The following PRIMA1 variants were observed in gnomAD, a reference collection of about 807,000 sequenced individuals.
The protein encoded by PRIMA1 is proline-rich membrane anchor 1.
In PRIMA1, 7 loss-of-function variants were observed where a neutral mutation model predicts 17.5. The observed-to-expected ratio is 0.40, with a 90% CI of 0.23 to 0.75. PRIMA1 has a LOEUF of 0.75. Ranked by LOEUF, PRIMA1 falls within the 30% of genes least tolerant of loss-of-function variation. PRIMA1 has a pLI of 0.37. For synonymous variants in PRIMA1, 97 were observed against 77.9 expected (o/e 1.25, Z -1.29); for missense variants, 200 against 201.8 (o/e 0.99, Z 0.05).
At chr14:93,782,448 A>G (rs12147937) in intron 2 of PRIMA1, among the ~76,000 whole-genome samples, 16,402 of 151,486 alleles carry the variant, frequency 0.11, 1,095 homozygotes, top group Admixed American at 0.21. Context: ...GTGAGACCTC[A>G]TCTCTACAAA....
intron 4 of PRIMA1, among the ~76,000 whole-genome samples, chr14:93,727,452 G>A (rs1475844085): frequency 1.3e-5 from 2 of 152,196 alleles, no homozygotes; most frequent in South Asian, 2.1e-4. Flanking sequence ...CTCAGGCCTC[G>A]GTGACTGTCC....
chr14:93,753,827 G>A (rs1417441065), intron 3 of PRIMA1, among the ~76,000 whole-genome samples: 1 of 152,168 alleles, frequency 6.6e-6, no homozygotes, highest in Non-Finnish European at 1.5e-5. Context: ...CCCAGTTAAA[G>A]TGCACGCTGC....
intron 4 of PRIMA1, among the ~76,000 whole-genome samples, chr14:93,730,905 G>C (rs1566963966): frequency 6.6e-6 from 1 of 152,196 alleles, no homozygotes; most frequent in Non-Finnish European, 1.5e-5. Context: ...AGGTTCCCAG[G>C]GAGGAGCCAT....
At chr14:93,786,570 C>G (rs1231647072) in intron 2 of PRIMA1, among the ~76,000 whole-genome samples, 1 of 152,114 alleles carries the variant, frequency 6.6e-6, no homozygotes, top group African/African-American at 2.4e-5. Flanking sequence ...TAGTACAGAG[C>G]AACCATGTGA....
intron 4 of PRIMA1, among the ~76,000 whole-genome samples, chr14:93,735,692 CT>C (rs11288194): frequency 0.69 from 86,430 of 124,452 alleles, 31,010 homozygotes; most frequent in Middle Eastern, 0.83. Flanking sequence ...TTCTTTCTTC[CT>C]TTTTTTTTTT....
At chr14:93,779,774 C>T (rs1021051677) in intron 2 of PRIMA1, among the ~76,000 whole-genome samples, 2 of 152,228 alleles carry the variant, frequency 1.3e-5, no homozygotes, top group African/African-American at 2.4e-5. Context: ...CTCCAGCCCT[C>T]GCTCCTGATG....
intron 4 of PRIMA1, among the ~76,000 whole-genome samples, chr14:93,728,180 C>CTCA (rs1358831090): frequency 6.6e-6 from 1 of 152,216 alleles, no homozygotes; most frequent in Non-Finnish European, 1.5e-5. Flanking sequence ...GTGGGTTCGG[C>CTCA]TCATTTGAGT....
At position 93,718,957 on chromosome 14, in the gene PRIMA1, G is replaced by C. The variant is rs1327430421; in HGVS notation, c.*2487C>G. ...TAAAAGTTCTAAGCTCAAATACTAG[G>C]CCGGCAGGGTTTTAAGTACCCTTAT... On this transcript the variant is annotated 3_prime_UTR_variant, in exon 5 of 5. Transcript: ENST00000393140. 2.0e-5 allele frequency: 3 copies of C among 152,148 alleles called. No homozygotes were observed. Among genetic ancestry groups the C allele is most frequent in the Non-Finnish European group, 4.4e-5 (3 of 68,012 alleles). 9.4% of individuals were successfully genotyped at this position (152,148 alleles called of 1,614,324 possible).
intron 4 of PRIMA1, chr14:93,725,706 G>A (rs1019935365): frequency 1.8e-5 from 6 of 330,612 alleles, no homozygotes; most frequent in East Asian, 7.6e-5. Flanking sequence ...TTAGACAAGC[G>A]TCTGGCATAC....
intron 3 of PRIMA1, among the ~76,000 whole-genome samples, chr14:93,776,230 C>T (rs939630130): frequency 6.6e-6 from 1 of 152,186 alleles, no homozygotes; most frequent in African/African-American, 2.4e-5. Context: ...TATCCTGATA[C>T]GTGAGCCCAC....
At chr14:93,780,652 AATT>A (rs1041530485) in intron 2 of PRIMA1, among the ~76,000 whole-genome samples, 1 of 152,090 alleles carries the variant, frequency 6.6e-6, no homozygotes, top group Non-Finnish European at 1.5e-5. Context: ...ATTAAATCAA[AATT>A]TTGCAGGTGG....
At chr14:93,779,148 C>T (rs909565723) in intron 3 of PRIMA1, 28 bp downstream of exon 3, 174 of 1,427,670 alleles carry the variant, frequency 1.2e-4, no homozygotes, top group Non-Finnish European at 1.6e-4. Flanking sequence ...CAAAGAGAAA[C>T]CCGAAAATGG....
intron 3 of PRIMA1, among the ~76,000 whole-genome samples, chr14:93,776,589 C>A (rs911572460): frequency 4.6e-5 from 7 of 152,194 alleles, no homozygotes; most frequent in African/African-American, 1.7e-4. Context: ...CTTTCTGAAA[C>A]AGACAATATA....
chr14:93,721,586 G>A (rs754336311), intron 4 of PRIMA1, 40 bp from the exon 5 acceptor site: 9 of 1,244,044 alleles, frequency 7.2e-6, no homozygotes, highest in Admixed American at 1.7e-5. Flanking sequence ...CAAAGGAGGG[G>A]GAGGCAGGGA....
chr14:93,722,768 C>CTGTGATGAT (rs1566961549), intron 4 of PRIMA1, among the ~76,000 whole-genome samples: 21 of 146,198 alleles, frequency 1.4e-4, no homozygotes, highest in Non-Finnish European at 4.7e-5. Context: ...GTGATGATGG[C>CTGTGATGAT]GGTGATGATG....
intron 2 of PRIMA1, among the ~76,000 whole-genome samples, chr14:93,780,005 T>C (rs538341481): frequency 2.7e-4 from 41 of 152,362 alleles, no homozygotes; most frequent in African/African-American, 9.6e-4. Context: ...CGTGGGATCA[T>C]GTGGCCTACA....
intron 3 of PRIMA1, among the ~76,000 whole-genome samples, chr14:93,777,802 G>C (rs1885264215): frequency 6.6e-6 from 1 of 152,252 alleles, no homozygotes; most frequent in Non-Finnish European, 1.5e-5. Flanking sequence ...TGAGATTCCA[G>C]AGGGCCAGGA....
At chr14:93,771,851 G>C (rs1885078555) in intron 3 of PRIMA1, among the ~76,000 whole-genome samples, 1 of 152,144 alleles carries the variant, frequency 6.6e-6, no homozygotes, top group Non-Finnish European at 1.5e-5. Context: ...GGAAGGAAAG[G>C]AAAGGGGGGT....
At chr14:93,776,779 AC>A (rs1239383699) in intron 3 of PRIMA1, among the ~76,000 whole-genome samples, 1 of 152,234 alleles carries the variant, frequency 6.6e-6, no homozygotes, top group Non-Finnish European at 1.5e-5. Flanking sequence ...TGATTCACTT[AC>A]AAACTTTCCA....
Sources: allele counts gnomAD v4.1 joint callset (sites outside exome capture counted in the v4.1 genomes callset), GRCh38; gene constraint gnomAD v4.1.1; transcripts MANE v1.5; gene names NCBI Gene and HGNC (gene_info 2026-07-23, HGNC 2026-07-21).